Variants in FRMD6 observed in about 807,000 individuals in gnomAD.
The protein encoded by FRMD6 is FERM domain-containing protein 6.
In FRMD6, 37 loss-of-function variants were observed where a neutral mutation model predicts 73.2. That is an observed-to-expected ratio of 0.51 (90% CI 0.39 to 0.66). The LOEUF (loss-of-function observed/expected upper bound fraction) is 0.66. Ranked by LOEUF, FRMD6 falls within the 30% of genes least tolerant of loss-of-function variation. FRMD6 has a pLI of 0.00. For synonymous variants in FRMD6, 273 were observed against 282.2 expected (o/e 0.97, Z 0.33); for missense variants, 714 against 780.5 (o/e 0.91, Z 1.02).
intron 1 of FRMD6, among the ~76,000 whole-genome samples, chr14:51,564,792 G>A (rs1228397029): frequency 6.6e-6 from 1 of 152,088 alleles, no homozygotes; most frequent in African/African-American, 2.4e-5. Context: ...CTAAAAATCA[G>A]GTACCATGTC....
At chr14:51,402,151 G>T in the FRMD6 span, among the ~76,000 whole-genome samples, 3 of 152,194 alleles carry the variant, frequency 2.0e-5, no homozygotes, top group Admixed American at 2.0e-4. Context: ...ATATAAAAAG[G>T]CTGGGATAAA....
At chr14:51,546,594 A>G (rs1250078650) in intron 1 of FRMD6, 18 of 151,372 alleles carry the variant, frequency 1.2e-4, no homozygotes, top group South Asian at 2.1e-4. Context: ...AAAAAAAAAA[A>G]AAAAAAAAAA....
At chr14:51,469,948 G>A in the FRMD6 span, among the ~76,000 whole-genome samples, 2 of 148,462 alleles carry the variant, frequency 1.3e-5, no homozygotes, top group African/African-American at 4.9e-5. Context: ...GACAGACTCC[G>A]TCTCAAAAAA....
chr14:51,426,236 G>A, the FRMD6 span, among the ~76,000 whole-genome samples: 3 of 152,050 alleles, frequency 2.0e-5, no homozygotes, highest in South Asian at 6.2e-4. Flanking sequence ...TTGGAACTTA[G>A]CCTGGCAATC....
At chr14:51,718,621 C>A (rs1268563953) in intron 10 of FRMD6, among the ~76,000 whole-genome samples, 2 of 152,218 alleles carry the variant, frequency 1.3e-5, no homozygotes, top group East Asian at 3.9e-4. Flanking sequence ...GATTGTTAGG[C>A]CCCAGTCTGC....
chr14:51,485,746 C>T (rs1196321928), upstream of FRMD6, among the ~76,000 whole-genome samples: 6 of 152,286 alleles, frequency 3.9e-5, no homozygotes, highest in South Asian at 4.1e-4. Flanking sequence ...GGGCATGGCT[C>T]GGTTGAAGAT....
intron 2 of FRMD6, among the ~76,000 whole-genome samples, chr14:51,586,113 C>T (rs1485279650): frequency 1.3e-5 from 2 of 151,198 alleles, no homozygotes; most frequent in Non-Finnish European, 2.9e-5. Flanking sequence ...CATGGGATTG[C>T]TGGTTTAAAC....
chr14:51,549,205 G>A (rs563090336), intron 1 of FRMD6, among the ~76,000 whole-genome samples: 10 of 152,238 alleles, frequency 6.6e-5, no homozygotes, highest in African/African-American at 2.4e-4. Flanking sequence ...GTGAATGGAT[G>A]GATAGATGGA....
the FRMD6 span, among the ~76,000 whole-genome samples, chr14:51,410,130 A>T: frequency 1.3e-5 from 2 of 152,230 alleles, no homozygotes; most frequent in Admixed American, 6.5e-5. Flanking sequence ...TCCCAACAAA[A>T]AAGCTTAGGA....
chr14:51,616,151 G>A (rs186178229), intron 2 of FRMD6, among the ~76,000 whole-genome samples: 22 of 152,264 alleles, frequency 1.4e-4, no homozygotes, highest in Admixed American at 1.3e-3. Flanking sequence ...TGAGAGGATA[G>A]GAAGTTGAGA....
At chr14:51,595,343 C>A (rs893270546) in intron 2 of FRMD6, among the ~76,000 whole-genome samples, 2 of 152,168 alleles carry the variant, frequency 1.3e-5, no homozygotes, top group Non-Finnish European at 2.9e-5. Flanking sequence ...ATCCCATTTT[C>A]TCAGATTATT....
intron 2 of FRMD6, among the ~76,000 whole-genome samples, chr14:51,609,822 T>C (rs1890415832): frequency 6.6e-6 from 1 of 152,190 alleles, no homozygotes; most frequent in Admixed American, 6.5e-5. Context: ...ACTTAACATA[T>C]ACCCTTTTGA....
At chr14:51,478,259 G>C in the FRMD6 span, among the ~76,000 whole-genome samples, 2 of 152,172 alleles carry the variant, frequency 1.3e-5, no homozygotes, top group Non-Finnish European at 2.9e-5. Context: ...CTAATAAGCT[G>C]AGGCTTTAAG....
At chr14:51,471,039 T>C in the FRMD6 span, among the ~76,000 whole-genome samples, 5 of 152,222 alleles carry the variant, frequency 3.3e-5, no homozygotes, top group African/African-American at 9.6e-5. Flanking sequence ...TCAGTATTTA[T>C]GTAGATGTTT....
At chr14:51,403,489 C>G in the FRMD6 span, among the ~76,000 whole-genome samples, 2 of 152,096 alleles carry the variant, frequency 1.3e-5, no homozygotes, top group Non-Finnish European at 2.9e-5. Flanking sequence ...CAGCCTCTAC[C>G]TCCCTGGCTC....
chr14:51,721,749 A>G (rs1432228478), intron 11 of FRMD6, among the ~76,000 whole-genome samples, 200 bp from the exon 12 acceptor site: 241 of 54,988 alleles, frequency 4.4e-3, no homozygotes, highest in African/African-American at 6.2e-3. Context: ...GAAGGAAGGG[A>G]GGAAGGAAGG....
intron 2 of FRMD6, among the ~76,000 whole-genome samples, chr14:51,588,085 T>C (rs1056260464): frequency 1.3e-5 from 2 of 152,112 alleles, no homozygotes; most frequent in Non-Finnish European, 2.9e-5. Context: ...CTTGTAATTT[T>C]TTTCACTGTT....
rs1018792673 is a variant in FRMD6, at chr14:51,712,256, G to C, written c.781-227G>C. Among the ~76,000 whole-genome samples the C allele has an allele frequency of 5.9e-5, 9 of 152,278 alleles. No individual in the cohort carries two copies. The South Asian group carries it at 1.0e-3, about 18-fold the overall frequency. On this transcript the variant is annotated intron_variant, in intron 8 of 13. Transcript: ENST00000344768. ...TTTAAATTTAGGCATACACCAGAAG[G>C]GAAAAGATTGCCTTAAAAGGGTTAG...
At chr14:51,489,338 CA>C (rs1882861037) in exon 1 of FRMD6, 1 of 152,616 alleles carries the variant, frequency 6.6e-6, no homozygotes, top group African/African-American at 2.4e-5. Flanking sequence ...ATTCTGGTTC[CA>C]GGGGCAGGAG....
Sources: allele counts gnomAD v4.1 joint callset (sites outside exome capture counted in the v4.1 genomes callset), GRCh38; gene constraint gnomAD v4.1.1; transcripts MANE v1.5; gene names NCBI Gene and HGNC (gene_info 2026-07-23, HGNC 2026-07-21).